RNMT: variants seen among roughly 807,000 people sequenced by gnomAD.
RNMT encodes the protein mRNA cap guanine-N(7) methyltransferase.
RNMT carries 27 observed loss-of-function variants against 56.0 expected under a neutral mutation model. The observed-to-expected ratio is 0.48, with a 90% confidence interval of 0.36 to 0.67. RNMT has a LOEUF of 0.67. Among genes scored for constraint, RNMT ranks in the 30% least tolerant of loss-of-function variants. The pLI, the probability that RNMT is intolerant of heterozygous loss-of-function variation, is 0.00. For missense variants in RNMT, 519 were observed against 552.1 expected (o/e 0.94, Z 0.60); for synonymous variants, 184 against 176.2 (o/e 1.04, Z -0.35).
chr18:13,735,857 C>T (rs751049032), intron 4 of RNMT, among the ~76,000 whole-genome samples: 4 of 152,070 alleles, frequency 2.6e-5, no homozygotes, highest in Admixed American at 6.5e-5. Flanking sequence ...GTGCTTTGCA[C>T]CTGTGTTTAA....
In RNMT at chr18:13,762,017, A is replaced by G; in HGVS notation, c.*2038A>G. 6.5e-7 allele frequency: 1 copy of G among 1,536,002 alleles called. No homozygotes were observed. The highest frequency in any genetic ancestry group is 8.7e-7 in the Non-Finnish European group (1 of 1,146,818). ...TCTTCCTTGACACACCTTGTCGTCT[A>G]AATGTTCGGTATTCTATTCAGGACT... On this transcript the variant is annotated 3_prime_UTR_variant, in exon 12 of 12. Coordinates refer to ENST00000383314, the MANE Select transcript of RNMT (RefSeq NM_003799.3).
At chr18:13,750,964 T>A (rs1343560633) in intron 9 of RNMT, among the ~76,000 whole-genome samples, 1 of 152,008 alleles carries the variant, frequency 6.6e-6, no homozygotes, top group East Asian at 1.9e-4. Context: ...AAAAATTAAC[T>A]CAAGATGGAT....
At chr18:13,739,686 T>C (rs934643133) in intron 5 of RNMT, among the ~76,000 whole-genome samples, 17 of 152,058 alleles carry the variant, frequency 1.1e-4, no homozygotes, top group African/African-American at 4.1e-4. Flanking sequence ...CTCGGGAGGC[T>C]GAGGTATGAG....
intron 9 of RNMT, among the ~76,000 whole-genome samples, chr18:13,751,915 C>T (rs2044454373): frequency 6.6e-6 from 1 of 151,214 alleles, no homozygotes; most frequent in South Asian, 2.1e-4. Flanking sequence ...GGGAGTTGAG[C>T]AATGAGAACA....
In RNMT at chr18:13,761,131, CAT is replaced by C. The variant is rs1304559076; in HGVS notation, c.*1154_*1155del. ...TAATTCACAATACTTGTTTTAAAAA[CAT>C]AGTGTCTTCATTAGTGTGCATCTAT... On this transcript the variant is annotated 3_prime_UTR_variant, in exon 12 of 12. Coordinates refer to ENST00000383314, the MANE Select transcript of RNMT (RefSeq NM_003799.3). 2 of 985,240 alleles carry C rather than the reference CAT, an allele frequency of 2.0e-6. No individual in the cohort carries two copies. Among genetic ancestry groups the C allele is most frequent in the Admixed American group, 6.1e-5 (1 of 16,266 alleles). The allele number at this position is 985,240 out of a possible 1,614,324, so 61.0% of individuals were successfully genotyped here. A position where few individuals can be genotyped will look rare whatever the true frequency, so the allele number is the denominator to read the frequency against.
chr18:13,750,400 T>C (rs1449674129), intron 9 of RNMT, among the ~76,000 whole-genome samples: 2 of 152,140 alleles, frequency 1.3e-5, no homozygotes, highest in African/African-American at 4.8e-5. Flanking sequence ...TATAAAGCCT[T>C]TGGCTAACAG....
At chr18:13,728,257 A>G (rs2149077879) in intron 1 of RNMT, among the ~76,000 whole-genome samples, 1 of 149,594 alleles carries the variant, frequency 6.7e-6, no homozygotes, top group East Asian at 2.0e-4. Context: ...CTAACAGTGT[A>G]CAAGTGTTCC....
At chr18:13,745,739 G>GT (rs1019162517) in intron 8 of RNMT, among the ~76,000 whole-genome samples, 2 of 150,186 alleles carry the variant, frequency 1.3e-5, no homozygotes, top group African/African-American at 4.9e-5. Flanking sequence ...TAGAAGTTGG[G>GT]TAAAAAAAAA....
At chr18:13,735,500 C>CT (rs5823269) in intron 4 of RNMT, among the ~76,000 whole-genome samples, 5,405 of 138,244 alleles carry the variant, frequency 0.039, 158 homozygotes, top group Middle Eastern at 0.078. Flanking sequence ...TGAGTGTTCA[C>CT]TTTTTTTTTT....
rs2149097158 is a variant in RNMT at position 13,746,127 on chromosome 18, G to A, written c.1140-93G>A. ...TATCAAGGGAGTGGTAGCTTTTTTA[G>A]TTAAGTCCAGAAGATGTCATTGCTG... On this transcript the variant is annotated intron_variant, in intron 8 of 11. Transcript: ENST00000383314. 5 of 681,800 alleles carry A rather than the reference G, an allele frequency of 7.3e-6. 1 individual carries two copies. In the South Asian group the frequency reaches 9.4e-5, roughly 13 times the overall value. The allele number at this position is 681,800 out of a possible 1,614,324, so 42.2% of individuals were successfully genotyped here.
Position 13,761,504 on chromosome 18 carries a change from C to T in RNMT, c.*1525C>T. 2.0e-6 allele frequency: 2 copies of T among 987,444 alleles called. No homozygotes were observed. Among genetic ancestry groups the T allele is most frequent in the Non-Finnish European group, 2.4e-6 (2 of 831,192 alleles). The allele number at this position is 987,444 out of a possible 1,614,324, so 61.2% of individuals were successfully genotyped here. A position where few individuals can be genotyped will look rare whatever the true frequency, so the allele number is the denominator to read the frequency against. On this transcript the variant is annotated 3_prime_UTR_variant, in exon 12 of 12. Transcript: ENST00000383314. The stretch of plus-strand genomic sequence containing the variant: ...ATTTCCTCTGTTCACATTTACTGGT[C>T]TTAATTAACAGGTAATAATAATACA...
At position 13,754,126 on chromosome 18, in the gene RNMT, A is replaced by C; in HGVS notation, c.1372A>C (p.Lys458Gln). The C allele has an allele frequency of 6.4e-7, 1 of 1,558,312 alleles. No homozygotes were observed. Among genetic ancestry groups the C allele is most frequent in the Non-Finnish European group, 8.8e-7 (1 of 1,131,016 alleles). ...QVRLPLGTLS[K>Q]SEWEATSIYL... is the part of the protein sequence containing the mutation. The stretch of plus-strand genomic sequence containing the variant: ...TTTGTAATTTTAGGGAACCTTAAGT[A>C]AATCAGAATGGGAAGCTACAAGTGA... The change falls in exon 11 of 12, where the codon AAA becomes CAA. Residue 458 changes from lysine to glutamine, a missense_variant. Transcript: ENST00000383314.
intron 9 of RNMT, among the ~76,000 whole-genome samples, chr18:13,750,056 G>A (rs372526330): frequency 2.0e-5 from 3 of 152,110 alleles, no homozygotes; most frequent in African/African-American, 7.2e-5. Context: ...ACCGAGCCAG[G>A]CCTGATTTAC....
intron 4 of RNMT, among the ~76,000 whole-genome samples, chr18:13,735,101 A>G (rs2044137125): frequency 6.8e-6 from 1 of 148,120 alleles, no homozygotes; most frequent in South Asian, 2.2e-4. Flanking sequence ...GCACCGTAAG[A>G]TAGGGTAAAA....
At chr18:13,740,773 A>G (rs2044239398) in intron 6 of RNMT, among the ~76,000 whole-genome samples, 1 of 152,232 alleles carries the variant, frequency 6.6e-6, no homozygotes, top group African/African-American at 2.4e-5. Flanking sequence ...TGAATGACTC[A>G]CTGAATACTT....
At chr18:13,734,367 T>G in intron 3 of RNMT, 97 bp from the exon 4 acceptor site, 1 of 1,093,112 alleles carries the variant, frequency 9.1e-7, no homozygotes, top group Non-Finnish European at 1.3e-6. Context: ...GTTTACCAAT[T>G]CTAATAGCAT....
At chr18:13,736,596 G>T in intron 4 of RNMT, among the ~76,000 whole-genome samples, 1 of 148,802 alleles carries the variant, frequency 6.7e-6, no homozygotes, top group Non-Finnish European at 1.5e-5. Flanking sequence ...TTACTTACGT[G>T]TCTACTGTTA....
chr18:13,744,985 G>A (rs10502424), intron 8 of RNMT, among the ~76,000 whole-genome samples: 2 of 152,154 alleles, frequency 1.3e-5, no homozygotes, highest in Non-Finnish European at 2.9e-5. Context: ...TTTGAGTCAG[G>A]ATCTAAAGGA....
At chr18:13,742,759 A>G in intron 8 of RNMT, 107 bp downstream of exon 8, 1 of 831,514 alleles carries the variant, frequency 1.2e-6, no homozygotes, top group Non-Finnish European at 1.8e-6. Flanking sequence ...GGGCTAAAGA[A>G]AAAGTATAAT....
Sources: allele counts gnomAD v4.1 joint callset (sites outside exome capture counted in the v4.1 genomes callset), GRCh38; gene constraint gnomAD v4.1.1; transcripts MANE v1.5; gene names NCBI Gene and HGNC (gene_info 2026-07-23, HGNC 2026-07-21).